The following PRKN variants were observed in gnomAD, a reference collection of about 807,000 sequenced individuals.
PRKN encodes E3 ubiquitin-protein ligase parkin.
PRKN carries 56 observed loss-of-function variants against 59.5 expected under a neutral mutation model. The ratio of observed to expected loss-of-function variants is 0.94; its 90% CI spans 0.76 to 1.18. The LOEUF is 1.18. Ranked by LOEUF, PRKN falls within the 50% of genes most tolerant of loss-of-function variation. The pLI is 0.00. For synonymous variants in PRKN, 250 were observed against 222.1 expected (o/e 1.13, Z -1.12); for missense variants, 657 against 596.4 (o/e 1.10, Z -1.06).
intron 6 of PRKN, among the ~76,000 whole-genome samples, chr6:161,959,331 C>A (rs1049837872): frequency 6.6e-6 from 1 of 152,126 alleles, no homozygotes; most frequent in Non-Finnish European, 1.5e-5. Context: ...TAGCGGTTTT[C>A]CCTTTGCAGG....
chr6:162,686,861 T>C (rs1777578063), intron 1 of PRKN, among the ~76,000 whole-genome samples: 1 of 152,220 alleles, frequency 6.6e-6, no homozygotes, highest in Admixed American at 6.5e-5. Context: ...CTCTATTCTG[T>C]TTCATTGATC....
chr6:161,878,837 T>C (rs750858992), intron 6 of PRKN, among the ~76,000 whole-genome samples: 6 of 152,156 alleles, frequency 3.9e-5, no homozygotes, highest in Non-Finnish European at 5.9e-5. Context: ...TTGGTGAAGA[T>C]ATGGATGCAT....
intron 6 of PRKN, among the ~76,000 whole-genome samples, chr6:161,890,308 T>C (rs1352821128): frequency 6.6e-6 from 1 of 152,184 alleles, no homozygotes; most frequent in Admixed American, 6.5e-5. Flanking sequence ...ACTTCCCTTT[T>C]TTCCTTCAGG....
intron 3 of PRKN, among the ~76,000 whole-genome samples, chr6:162,227,713 C>T (rs1247420092): frequency 6.6e-6 from 1 of 152,126 alleles, no homozygotes; most frequent in African/African-American, 2.4e-5. Context: ...AATGCACTAG[C>T]CTTCTACCAT....
intron 6 of PRKN, among the ~76,000 whole-genome samples, chr6:161,829,237 A>C (rs1792374988): frequency 1.3e-5 from 2 of 152,118 alleles, no homozygotes; most frequent in African/African-American, 2.4e-5. Flanking sequence ...CAAAAACAAA[A>C]ACGAAAACAA....
intron 9 of PRKN, among the ~76,000 whole-genome samples, chr6:161,436,159 G>A (rs13219201): frequency 1.1e-4 from 14 of 126,682 alleles, no homozygotes; most frequent in African/African-American, 1.8e-4. Context: ...GGGCAGAGAG[G>A]AGGGGGCGAG....
chr6:162,564,751 CAA>C (rs1779988270), intron 1 of PRKN, among the ~76,000 whole-genome samples: 1 of 151,390 alleles, frequency 6.6e-6, no homozygotes, highest in East Asian at 1.9e-4. Flanking sequence ...GTGTATCTGG[CAA>C]AACTATCCTT....
At chr6:161,828,601 C>T (rs1459311807) in intron 6 of PRKN, among the ~76,000 whole-genome samples, 1 of 152,118 alleles carries the variant, frequency 6.6e-6, no homozygotes, top group Non-Finnish European at 1.5e-5. Flanking sequence ...CACTGGCTGC[C>T]TCTCACTGTG....
At chr6:162,522,425 T>G (rs1397337700) in intron 1 of PRKN, among the ~76,000 whole-genome samples, 2 of 152,172 alleles carry the variant, frequency 1.3e-5, no homozygotes, top group African/African-American at 2.4e-5. Context: ...CACCCAGCCT[T>G]ACAATTTGAT....
At chr6:162,073,462 C>G (rs1425081668) in intron 4 of PRKN, among the ~76,000 whole-genome samples, 1 of 152,064 alleles carries the variant, frequency 6.6e-6, no homozygotes, top group East Asian at 1.9e-4. Context: ...TTTTGTGTGT[C>G]TGTTTTCTGA....
At chr6:162,597,189 A>G (rs1400253690) in intron 1 of PRKN, among the ~76,000 whole-genome samples, 1 of 152,176 alleles carries the variant, frequency 6.6e-6, no homozygotes, top group Non-Finnish European at 1.5e-5. Flanking sequence ...ATGTTACCTT[A>G]TATTTATATG....
chr6:162,057,849 A>T (rs916319458), intron 4 of PRKN, among the ~76,000 whole-genome samples: 1 of 152,242 alleles, frequency 6.6e-6, no homozygotes, highest in Non-Finnish European at 1.5e-5. Flanking sequence ...TAGTCATAAC[A>T]TTCATACTAA....
chr6:161,810,187 C>T (rs183762606), intron 6 of PRKN, among the ~76,000 whole-genome samples: 1 of 152,230 alleles, frequency 6.6e-6, no homozygotes, highest in African/African-American at 2.4e-5. Flanking sequence ...GAAGCAGAGA[C>T]TATGACACAG....
At chr6:162,468,718 T>C (rs1239757306) in intron 1 of PRKN, among the ~76,000 whole-genome samples, 1 of 152,202 alleles carries the variant, frequency 6.6e-6, no homozygotes. Flanking sequence ...GTACTGAGCT[T>C]GAGGCTAGAG....
chr6:162,089,309 C>A (rs1178607080), intron 4 of PRKN, among the ~76,000 whole-genome samples: 2 of 152,140 alleles, frequency 1.3e-5, no homozygotes, highest in Admixed American at 1.3e-4. Context: ...AGATCAGCAT[C>A]ATTAGTCGTT....
At position 161,362,204 on chromosome 6, in the gene PRKN, A is replaced by C. The variant is rs1321465696; in HGVS notation, c.1168-1999T>G. Among the ~76,000 whole-genome samples, 1 of 152,224 alleles carries C rather than the reference A, an allele frequency of 6.6e-6. No individual in the cohort carries two copies. The highest frequency in any genetic ancestry group is 1.9e-4 in the East Asian group (1 of 5,200). ...GAAGGGCAATTTCTCCCAGGTCCAC[A>C]CACCTAAAAATGCTGGATCAAATAT... is the stretch of plus-strand genomic sequence containing the variant. On this transcript the variant is annotated intron_variant, in intron 10 of 11. Coordinates refer to ENST00000366898, the MANE Select transcript of PRKN (RefSeq NM_004562.3). This position sits in a 1 kb window ranked among gnomAD's most constrained non-coding sequence, Gnocchi z 5.2.
rs1351243232 is a variant in PRKN at position 161,950,356 on chromosome 6, C to G, written c.734+22946G>C. Reference sequence around the variant, plus strand: ...GGTCAGGAGTTCAAGACCAGCCTGGCCAATAAGACGAAATCCTGTCTCTAC... The same window carrying G: ...GGTCAGGAGTTCAAGACCAGCCTGGGCAATAAGACGAAATCCTGTCTCTAC... On this transcript the variant is annotated intron_variant, in intron 6 of 11. Coordinates refer to ENST00000366898, the MANE Select transcript of PRKN (RefSeq NM_004562.3). 1.3e-5 allele frequency among the ~76,000 whole-genome samples: 2 copies of G among 152,076 alleles called. 1 individual carries two copies. Among genetic ancestry groups the G allele is most frequent in the Non-Finnish European group, 2.9e-5 (2 of 68,022 alleles).
At chr6:162,040,526 CT>C (rs1784025538) in intron 5 of PRKN, among the ~76,000 whole-genome samples, 1 of 150,708 alleles carries the variant, frequency 6.6e-6, no homozygotes, top group Non-Finnish European at 1.5e-5. Context: ...GTGCCTCAGA[CT>C]CCCAAGTAAC....
intron 1 of PRKN, among the ~76,000 whole-genome samples, chr6:162,652,676 A>G (rs902362671): frequency 6.6e-6 from 1 of 152,122 alleles, no homozygotes; most frequent in Non-Finnish European, 1.5e-5. Context: ...GTGGTGGCTC[A>G]TGCCTATAAT....
Sources: allele counts gnomAD v4.1 joint callset (sites outside exome capture counted in the v4.1 genomes callset), GRCh38; gene constraint gnomAD v4.1.1; non-coding constraint Gnocchi (gnomAD v3.1); transcripts MANE v1.5; gene names NCBI Gene and HGNC (gene_info 2026-07-23, HGNC 2026-07-21).